The following LAMA2 variants were observed in gnomAD, a reference collection of about 807,000 sequenced individuals.
LAMA2 encodes laminin subunit alpha-2.
In LAMA2, 269 loss-of-function variants were observed where a neutral mutation model predicts 364.8. That is an observed-to-expected ratio of 0.74 (90% CI 0.67 to 0.82). LAMA2 has a LOEUF of 0.82. LAMA2 is among the 40% of genes least tolerant of loss of function. The pLI is 0.00. For synonymous variants in LAMA2, 1,379 were observed against 1,370.6 expected, an observed-to-expected ratio of 1.01 and a Z score of -0.14; for missense variants, 3,807 against 3,873.2, an observed-to-expected ratio of 0.98 and a Z score of 0.45.
At chr6:129,319,545 CAATGTT>C (rs1774824762) in intron 27 of LAMA2, among the ~76,000 whole-genome samples, 1 of 152,134 alleles carries the variant, frequency 6.6e-6, no homozygotes, top group Non-Finnish European at 1.5e-5. Flanking sequence ...AGCTTCAAAA[CAATGTT>C]AATTATCTTG....
intron 11 of LAMA2, 30 bp from the exon 12 acceptor site, chr6:129,192,650 A>T: frequency 1.2e-6 from 2 of 1,605,720 alleles, no homozygotes; most frequent in South Asian, 1.1e-5. Flanking sequence ...ATTTTTTAAA[A>T]ATTAATGATG....
chr6:129,205,327 G>A (rs1782553836), intron 12 of LAMA2, among the ~76,000 whole-genome samples: 1 of 151,602 alleles, frequency 6.6e-6, no homozygotes, highest in African/African-American at 2.4e-5. Flanking sequence ...AGGAGGCAGA[G>A]GTTGCAGTGA....
intron 3 of LAMA2, among the ~76,000 whole-genome samples, chr6:129,061,884 T>C (rs531943614): frequency 1.1e-4 from 17 of 152,316 alleles, no homozygotes; most frequent in African/African-American, 4.1e-4. Context: ...TATCCTTATT[T>C]ATTCCAGCTT....
chr6:129,408,358 C>T (rs1464341138), intron 40 of LAMA2, among the ~76,000 whole-genome samples: 4 of 152,266 alleles, frequency 2.6e-5, no homozygotes, highest in Non-Finnish European at 4.4e-5. Context: ...CCACCTGCTT[C>T]AGGATGATGG....
intron 1 of LAMA2, among the ~76,000 whole-genome samples, chr6:128,951,454 G>A (rs184659185): frequency 5.9e-5 from 9 of 152,190 alleles, no homozygotes; most frequent in Admixed American, 5.9e-4. Flanking sequence ...TTTAAGAGAA[G>A]CATCCTCCCA....
intron 1 of LAMA2, among the ~76,000 whole-genome samples, chr6:128,989,569 C>T (rs1445626762): frequency 6.6e-6 from 1 of 152,188 alleles, no homozygotes; most frequent in East Asian, 1.9e-4. Flanking sequence ...CCTTGCACCG[C>T]TGTCCTAAGG....
chr6:129,186,363 G>A (rs1477168200), intron 10 of LAMA2, among the ~76,000 whole-genome samples: 1 of 151,604 alleles, frequency 6.6e-6, no homozygotes, highest in Non-Finnish European at 1.5e-5. Flanking sequence ...TCGATATTTA[G>A]GTTCAATTAT....
chr6:129,415,958 T>G (rs1422807831), intron 40 of LAMA2, among the ~76,000 whole-genome samples: 5 of 79,564 alleles, frequency 6.3e-5, no homozygotes. Context: ...TTTTTTTTTT[T>G]TTTTTTTTGA....
chr6:129,061,701 A>G lies in LAMA2; in HGVS notation c.396+1805A>G, dbSNP rs1788930280. Among the ~76,000 whole-genome samples, 3 of 152,224 alleles carry G rather than the reference A, an allele frequency of 2.0e-5. No homozygotes were observed. The South Asian group carries it at 6.2e-4, about 32-fold the overall frequency. On this transcript the variant is annotated intron_variant, in intron 3 of 64. Coordinates refer to ENST00000421865, the MANE Select transcript of LAMA2 (RefSeq NM_000426.4). The stretch of plus-strand genomic sequence containing the variant: ...TCCTCCCATTTAGTTTAATGGAGGT[A>G]AGATGAGTGAATATGCCAAGACATA...
chr6:129,026,007 T>G (rs1187839334), intron 1 of LAMA2, among the ~76,000 whole-genome samples: 1 of 152,178 alleles, frequency 6.6e-6, no homozygotes, highest in Non-Finnish European at 1.5e-5. Context: ...TTTGTGTATG[T>G]GTCAAACTTA....
intron 1 of LAMA2, among the ~76,000 whole-genome samples, chr6:129,006,932 A>ATTTG (rs1254312327): frequency 6.6e-6 from 1 of 151,862 alleles, no homozygotes; most frequent in East Asian, 1.9e-4. Flanking sequence ...ACCTCACCAT[A>ATTTG]TTTGCATGGG....
At chr6:129,068,955 A>G (rs890736603) in intron 3 of LAMA2, among the ~76,000 whole-genome samples, 2 of 152,202 alleles carry the variant, frequency 1.3e-5, no homozygotes, top group Non-Finnish European at 2.9e-5. Flanking sequence ...AATGTAGGAT[A>G]TGTATTTTGA....
At chr6:129,383,095 A>T in intron 34 of LAMA2, 27 bp from the exon 35 acceptor site, 6 of 1,568,550 alleles carry the variant, frequency 3.8e-6, no homozygotes, top group Non-Finnish European at 5.3e-6. Flanking sequence ...TCTATTAATT[A>T]TGTGTTTCCC....
At chr6:129,175,048 C>T (rs1780485329) in intron 9 of LAMA2, among the ~76,000 whole-genome samples, 1 of 152,136 alleles carries the variant, frequency 6.6e-6, no homozygotes. Context: ...TATTTAATGC[C>T]TTTGCAAACT....
At chr6:129,182,604 T>G (rs1333543323) in intron 10 of LAMA2, among the ~76,000 whole-genome samples, 4 of 151,694 alleles carry the variant, frequency 2.6e-5, no homozygotes, top group Admixed American at 2.0e-4. Flanking sequence ...GAAAAAACAA[T>G]GTCATTATGG....
intron 29 of LAMA2, among the ~76,000 whole-genome samples, chr6:129,329,633 A>G (rs578219646): frequency 4.2e-4 from 64 of 152,240 alleles, no homozygotes; most frequent in African/African-American, 1.4e-3. Flanking sequence ...AAGTGCTGGG[A>G]TTACAGGCAT....
rs891828202 is a variant in LAMA2, at chr6:129,516,560, T to C, written c.*213T>C. ...AAATAATATTAAACTGATTATTTCA[T>C]TCTAAATAATTGCCTGTTTTGTGTG... is the stretch of plus-strand genomic sequence containing the variant. On this transcript the variant is annotated 3_prime_UTR_variant, in exon 65 of 65. Coordinates refer to ENST00000421865, the MANE Select transcript of LAMA2 (RefSeq NM_000426.4). 1.7e-6 allele frequency: 1 copy of C among 571,894 alleles called. No homozygotes were observed. The allele number at this position is 571,894 out of a possible 1,614,324, so 35.4% of individuals were successfully genotyped here.
At chr6:129,042,779 T>C (rs771474826) in intron 1 of LAMA2, among the ~76,000 whole-genome samples, 9 of 152,200 alleles carry the variant, frequency 5.9e-5, no homozygotes, top group Admixed American at 1.3e-4. Flanking sequence ...CACTCTTTGG[T>C]GTAAACTTAT....
intron 30 of LAMA2, among the ~76,000 whole-genome samples, chr6:129,347,090 T>G (rs1776597496): frequency 6.6e-6 from 1 of 152,128 alleles, no homozygotes; most frequent in Non-Finnish European, 1.5e-5. Context: ...AATGAATATC[T>G]AACTCTCCTG....
Sources: allele counts gnomAD v4.1 joint callset (sites outside exome capture counted in the v4.1 genomes callset), GRCh38; gene constraint gnomAD v4.1.1; transcripts MANE v1.5; gene names NCBI Gene and HGNC (gene_info 2026-07-23, HGNC 2026-07-21).